Variants in MSH3 observed in about 807,000 individuals in gnomAD.
The protein encoded by MSH3 is DNA mismatch repair protein Msh3.
MSH3 carries 106 observed loss-of-function variants against 123.3 expected under a neutral mutation model. That is an observed-to-expected ratio of 0.86 (90% confidence interval 0.73 to 1.01). The LOEUF (loss-of-function observed/expected upper bound fraction) is 1.01, where lower values mean the gene tolerates loss of function less well. Ranked by LOEUF, MSH3 falls within the 50% of genes least tolerant of loss-of-function variation. MSH3 has a pLI of 0.00. For synonymous variants in MSH3, 515 were observed against 481.4 expected, an observed-to-expected ratio of 1.07 and a Z score of -0.91; for missense variants, 1,459 against 1,347.6, an observed-to-expected ratio of 1.08 and a Z score of -1.29.
chr5:80,711,330 C>T (rs1303678650), intron 8 of MSH3, among the ~76,000 whole-genome samples: 2 of 152,176 alleles, frequency 1.3e-5, no homozygotes, highest in East Asian at 1.9e-4. Flanking sequence ...CCTCTTTAAG[C>T]CTGAAGAAGC....
At chr5:80,753,909 T>G (rs369260960) in intron 12 of MSH3, among the ~76,000 whole-genome samples, 8 of 152,200 alleles carry the variant, frequency 5.3e-5, no homozygotes, top group African/African-American at 1.9e-4. Flanking sequence ...GCACATACCC[T>G]TCTGCCTAAA....
At chr5:80,843,407 G>T (rs756265000) in intron 20 of MSH3, among the ~76,000 whole-genome samples, 4 of 152,086 alleles carry the variant, frequency 2.6e-5, no homozygotes, top group Non-Finnish European at 4.4e-5. Context: ...ATCAGGATGA[G>T]GCTGGCCTCA....
intron 8 of MSH3, among the ~76,000 whole-genome samples, chr5:80,707,480 T>C (rs1750750062): frequency 6.6e-6 from 1 of 151,948 alleles, no homozygotes; most frequent in African/African-American, 2.4e-5. Context: ...CCCAGCACTT[T>C]GGGAGGCCAA....
intron 7 of MSH3, among the ~76,000 whole-genome samples, chr5:80,677,266 C>A (rs1749862444): frequency 6.6e-6 from 1 of 152,148 alleles, no homozygotes; most frequent in African/African-American, 2.4e-5. Flanking sequence ...GTTGTAGTAT[C>A]ACTGCAGTCA....
rs562633980 is a variant in MSH3, at chr5:80,804,762, G to A, written c.2656-8822G>A. 3.3e-5 allele frequency among the ~76,000 whole-genome samples: 5 copies of A among 152,298 alleles called. No individual in the cohort carries two copies. The East Asian group carries it at 7.7e-4, about 24-fold the overall frequency. ...GAATACTGGGTCTTACCCAAGGCCC[G>A]TGGTAACCACTGTCTGACTACCATC... On this transcript the variant is annotated intron_variant, in intron 19 of 23. Transcript: ENST00000265081.
rs561213512 is a variant in MSH3, at chr5:80,664,126, G to A, written c.359-1017G>A. On this transcript the variant is annotated intron_variant, in intron 2 of 23. Coordinates refer to ENST00000265081, the MANE Select transcript of MSH3 (RefSeq NM_002439.5). ...ACTGCCAATTGGCAGACTGTGATGA[G>A]TGCCACAGGGAGATGTGATCTTGTT... Among the ~76,000 whole-genome samples, 123 of 152,296 alleles carry A rather than the reference G, an allele frequency of 8.1e-4. 1 individual carries two copies. The South Asian group carries it at 9.1e-3, about 11-fold the overall frequency.
rs775797371 is a variant in MSH3 at position 80,654,690 on chromosome 5, G to C, written c.-38G>C. 4.7e-5 allele frequency: 74 copies of C among 1,563,884 alleles called. No individual in the cohort carries two copies. In the African/African-American group the frequency reaches 1.0e-3, roughly 21 times the overall value. ...CTGCGGCCGCGGGCTCGCGCTCCTCGCCAGGCCCTGCCGCCGGGCTGCCAT... is the reference window on the plus strand; with the variant it reads ...CTGCGGCCGCGGGCTCGCGCTCCTCCCCAGGCCCTGCCGCCGGGCTGCCAT... On this transcript the variant is annotated 5_prime_UTR_variant, in exon 1 of 24. Transcript: ENST00000265081.
intron 8 of MSH3, among the ~76,000 whole-genome samples, chr5:80,704,824 G>T (rs1311401064): frequency 2.0e-5 from 3 of 152,312 alleles, no homozygotes; most frequent in African/African-American, 7.2e-5. Context: ...CCAGGAGCAT[G>T]ATACCTTTCC....
chr5:80,756,301 A>C (rs890996036), intron 12 of MSH3, among the ~76,000 whole-genome samples: 2 of 152,204 alleles, frequency 1.3e-5, no homozygotes, highest in African/African-American at 4.8e-5. Flanking sequence ...GAATAGAGGA[A>C]ATAACTGAAA....
chr5:80,690,722 A>G (rs1750210159), intron 8 of MSH3, among the ~76,000 whole-genome samples: 1 of 152,194 alleles, frequency 6.6e-6, no homozygotes, highest in Non-Finnish European at 1.5e-5. Flanking sequence ...AAATGCAGAA[A>G]CTGAAGCACG....
At position 80,832,771 on chromosome 5, in the gene MSH3, A is replaced by G. The variant is rs185964180; in HGVS notation, c.2813+19030A>G. On this transcript the variant is annotated intron_variant, in intron 20 of 23. Transcript: ENST00000265081. Reference sequence around the variant, plus strand: ...CATAATTTTTAAAAGCACTTGAAGTATGTCCAATAATACTGTTGTAATAGG... The same window carrying G: ...CATAATTTTTAAAAGCACTTGAAGTGTGTCCAATAATACTGTTGTAATAGG... 4.9e-4 allele frequency among the ~76,000 whole-genome samples: 75 copies of G among 152,096 alleles called. 2 individuals carry two copies. The highest frequency in any genetic ancestry group is 1.7e-3 in the African/African-American group (70 of 41,536).
chr5:80,730,392 C>G (rs1743389420), intron 10 of MSH3, among the ~76,000 whole-genome samples: 1 of 152,040 alleles, frequency 6.6e-6, no homozygotes, highest in African/African-American at 2.4e-5. Context: ...ATAGAAAATT[C>G]AGAAGCAGGG....
chr5:80,774,406 C>CAAAAAAA (rs201125276), intron 15 of MSH3, among the ~76,000 whole-genome samples: 1 of 121,804 alleles, frequency 8.2e-6, no homozygotes, highest in African/African-American at 2.9e-5. Flanking sequence ...GGAGGTCCCT[C>CAAAAAAA]AAAAAAAAAA....
intron 19 of MSH3, among the ~76,000 whole-genome samples, chr5:80,806,056 AATTT>A (rs1482273583): frequency 6.6e-6 from 1 of 152,186 alleles, no homozygotes; most frequent in Non-Finnish European, 1.5e-5. Context: ...TTTAAAGTTT[AATTT>A]TCAAATTTCA....
chr5:80,763,462 C>T (rs923787844), intron 13 of MSH3, among the ~76,000 whole-genome samples: 1 of 152,204 alleles, frequency 6.6e-6, no homozygotes, highest in African/African-American at 2.4e-5. Context: ...CTGATAGTCG[C>T]AAGTTTTATG....
intron 9 of MSH3, among the ~76,000 whole-genome samples, chr5:80,727,445 C>G (rs928722500): frequency 6.6e-6 from 1 of 152,018 alleles, no homozygotes; most frequent in Admixed American, 6.6e-5. Context: ...ATGCTTATTG[C>G]AAGAAAGTCA....
At chr5:80,690,129 G>A (rs1483854762) in intron 8 of MSH3, among the ~76,000 whole-genome samples, 1 of 151,968 alleles carries the variant, frequency 6.6e-6, no homozygotes, top group African/African-American at 2.4e-5. Context: ...ATTTTGCCCA[G>A]GCTGGTCTCG....
At chr5:80,787,916 G>A (rs2112020734) in intron 18 of MSH3, among the ~76,000 whole-genome samples, 1 of 152,192 alleles carries the variant, frequency 6.6e-6, no homozygotes. Context: ...TAAAGTTTCA[G>A]CACTCTTTTC....
At chr5:80,708,014 A>T (rs1473545777) in intron 8 of MSH3, among the ~76,000 whole-genome samples, 1 of 152,188 alleles carries the variant, frequency 6.6e-6, no homozygotes, top group Non-Finnish European at 1.5e-5. Context: ...TTTAGTTATA[A>T]GAATTCTTTA....
Sources: allele counts gnomAD v4.1 joint callset (sites outside exome capture counted in the v4.1 genomes callset), GRCh38; gene constraint gnomAD v4.1.1; transcripts MANE v1.5; gene names NCBI Gene and HGNC (gene_info 2026-07-23, HGNC 2026-07-21).